The following ERC1 variants were observed in gnomAD, a reference collection of about 807,000 sequenced individuals.
ERC1 encodes the protein RAB6 interacting protein 2.
ERC1 carries 56 observed loss-of-function variants against 132.0 expected under a neutral mutation model. The ratio of observed to expected loss-of-function variants is 0.42; its 90% CI spans 0.34 to 0.53. ERC1 has a LOEUF of 0.53. Among genes scored for constraint, ERC1 ranks in the 20% least tolerant of loss-of-function variants. The probability of loss-of-function intolerance (pLI) is 0.03; values close to 1 mark genes in which losing one functional copy is unlikely to be tolerated. For synonymous variants in ERC1, 478 were observed against 476.1 expected, an observed-to-expected ratio of 1.00 and a Z score of -0.05; for missense variants, 1,202 against 1,349.9, an observed-to-expected ratio of 0.89 and a Z score of 1.72.
intron 17 of ERC1, among the ~76,000 whole-genome samples, chr12:1,413,707 GCA>G (rs2091964779): frequency 6.6e-6 from 1 of 152,204 alleles, no homozygotes; most frequent in Non-Finnish European, 1.5e-5. Context: ...TAGAATTTGA[GCA>G]TGATTTGATA....
chr12:1,049,878 G>T (rs1054019310), intron 2 of ERC1, among the ~76,000 whole-genome samples: 13 of 150,770 alleles, frequency 8.6e-5, no homozygotes, highest in African/African-American at 3.2e-4. Context: ...TCAGCCTCCT[G>T]ATTTACAGGC....
chr12:1,444,949 G>A (rs113484937), intron 18 of ERC1, 199 bp downstream of exon 18: 2 of 414,014 alleles, frequency 4.8e-6, no homozygotes, highest in East Asian at 3.5e-5. Flanking sequence ...TCAAGATTTG[G>A]GGGGTGGGGA....
intron 15 of ERC1, among the ~76,000 whole-genome samples, chr12:1,302,472 C>G (rs1356827590): frequency 1.3e-5 from 2 of 151,918 alleles, no homozygotes; most frequent in African/African-American, 4.8e-5. Flanking sequence ...ATTGGAGATC[C>G]TAGTAATGCA....
chr12:1,103,716 G>C (rs534602370), intron 3 of ERC1, among the ~76,000 whole-genome samples: 35 of 152,234 alleles, frequency 2.3e-4, no homozygotes, highest in Non-Finnish European at 4.7e-4. Flanking sequence ...GGCACCATCA[G>C]GAGTAGAGAT....
At chr12:1,396,646 C>G (rs1182339971) in intron 16 of ERC1, among the ~76,000 whole-genome samples, 2 of 152,136 alleles carry the variant, frequency 1.3e-5, no homozygotes, top group Non-Finnish European at 2.9e-5. Flanking sequence ...TGGTTGAGCT[C>G]ATGTGAGAGA....
intron 8 of ERC1, among the ~76,000 whole-genome samples, chr12:1,149,116 A>G (rs1950621716): frequency 6.6e-6 from 1 of 152,202 alleles, no homozygotes; most frequent in Admixed American, 6.5e-5. Flanking sequence ...GGTTTAGAGA[A>G]GTTTAAAGTT....
At chr12:1,056,601 G>A (rs1188221247) in intron 2 of ERC1, among the ~76,000 whole-genome samples, 1 of 152,150 alleles carries the variant, frequency 6.6e-6, no homozygotes, top group African/African-American at 2.4e-5. Flanking sequence ...TGCCTAGGGT[G>A]CAAAAATCTG....
At chr12:1,050,681 A>G (rs1971791594) in intron 2 of ERC1, among the ~76,000 whole-genome samples, 1 of 152,198 alleles carries the variant, frequency 6.6e-6, no homozygotes, top group Non-Finnish European at 1.5e-5. Flanking sequence ...TGTCACTACT[A>G]CACGTGGAAA....
chr12:1,464,380 G>A (rs1009156084), intron 18 of ERC1, among the ~76,000 whole-genome samples: 3 of 152,024 alleles, frequency 2.0e-5, no homozygotes, highest in East Asian at 1.9e-4. Context: ...TCTAAACTAC[G>A]GCAGCTCTTG....
At chr12:1,175,535 A>AT (rs527757794) in intron 8 of ERC1, among the ~76,000 whole-genome samples, 31,838 of 141,358 alleles carry the variant, frequency 0.23, 4,143 homozygotes, top group Non-Finnish European at 0.31. Context: ...CATCTGTTCA[A>AT]TTTTTTTTTT....
chr12:1,487,471 G>A (rs147223916), intron 18 of ERC1, among the ~76,000 whole-genome samples: 6,377 of 140,988 alleles, frequency 0.045, 491 homozygotes, highest in African/African-American at 0.16. Flanking sequence ...TTAGGAGGCC[G>A]AGGCAGGAGG....
intron 15 of ERC1, among the ~76,000 whole-genome samples, chr12:1,345,187 C>CT (rs573681390): frequency 5.0e-4 from 66 of 131,448 alleles, no homozygotes; most frequent in Admixed American, 7.0e-4. Context: ...AATATTTCTT[C>CT]TTTTTTTTTT....
chr12:1,489,650 G>A (rs1388029758), intron 18 of ERC1, among the ~76,000 whole-genome samples: 1 of 152,230 alleles, frequency 6.6e-6, no homozygotes, highest in East Asian at 1.9e-4. Context: ...CAGGCCTCAG[G>A]TGGGTAGGCT....
At chr12:1,484,254 G>A (rs535569833) in intron 18 of ERC1, among the ~76,000 whole-genome samples, 225 of 151,530 alleles carry the variant, frequency 1.5e-3, no homozygotes, top group African/African-American at 3.2e-3. Context: ...GCAGTGAGCC[G>A]AGATCGCACC....
chr12:1,435,745 T>G (rs2092929532), intron 17 of ERC1, among the ~76,000 whole-genome samples: 1 of 152,226 alleles, frequency 6.6e-6, no homozygotes, highest in Admixed American at 6.5e-5. Context: ...CCTGCTGAAG[T>G]GAGAAACAGT....
At chr12:1,009,206 T>G (rs1246434167) in intron 1 of ERC1, among the ~76,000 whole-genome samples, 6 of 151,408 alleles carry the variant, frequency 4.0e-5, no homozygotes, top group South Asian at 2.1e-4. Context: ...ACAGAGTCTC[T>G]CTCTGTCGCC....
chr12:1,389,675 G>T (rs1038871407), intron 16 of ERC1, among the ~76,000 whole-genome samples: 21 of 152,174 alleles, frequency 1.4e-4, no homozygotes, highest in African/African-American at 4.6e-4. Context: ...TAGCCATTTT[G>T]CTGATTTGAT....
intron 15 of ERC1, among the ~76,000 whole-genome samples, chr12:1,308,542 A>C (rs2081053558): frequency 6.6e-6 from 1 of 152,190 alleles, no homozygotes; most frequent in African/African-American, 2.4e-5. Context: ...CACAATCACT[A>C]AATTTTTCGT....
At chr12:1,354,397 C>A (rs567372208) in intron 15 of ERC1, among the ~76,000 whole-genome samples, 8 of 152,130 alleles carry the variant, frequency 5.3e-5, no homozygotes, top group Admixed American at 5.2e-4. Context: ...GTGGCAGGCA[C>A]CTGTAACACC....
Sources: allele counts gnomAD v4.1 joint callset (sites outside exome capture counted in the v4.1 genomes callset), GRCh38; gene constraint gnomAD v4.1.1; transcripts MANE v1.5; gene names NCBI Gene and HGNC (gene_info 2026-07-23, HGNC 2026-07-21).